NEBL: variants seen among roughly 807,000 people sequenced by gnomAD.
NEBL encodes the protein LIM and SH3 protein 2.
NEBL carries 122 observed loss-of-function variants against 140.2 expected under a neutral mutation model. The observed-to-expected ratio is 0.87, with a 90% CI of 0.75 to 1.01. NEBL has a LOEUF of 1.01. Ranked by LOEUF, NEBL falls within the 50% of genes least tolerant of loss-of-function variation. NEBL has a pLI of 0.00. For missense variants in NEBL, 1,365 were observed against 1,231.3 expected, an observed-to-expected ratio of 1.11 and a Z score of -1.62; for synonymous variants, 436 against 398.9, an observed-to-expected ratio of 1.09 and a Z score of -1.11.
At chr10:21,017,270 CTG>C (rs1838592394) in intron 3 of NEBL, among the ~76,000 whole-genome samples, 1 of 152,136 alleles carries the variant, frequency 6.6e-6, no homozygotes, top group African/African-American at 2.4e-5. Context: ...TACAGCAACA[CTG>C]TTGATGATGA....
At chr10:20,911,497 G>A (rs192329445) in intron 4 of NEBL, among the ~76,000 whole-genome samples, 37 of 152,316 alleles carry the variant, frequency 2.4e-4, no homozygotes, top group Admixed American at 2.1e-3. Context: ...GGCCAATAAA[G>A]TATAGGACAT....
chr10:20,994,712 C>T (rs1194318387), intron 3 of NEBL, among the ~76,000 whole-genome samples: 2 of 152,104 alleles, frequency 1.3e-5, no homozygotes, highest in African/African-American at 2.4e-5. Flanking sequence ...AGTTAGTATG[C>T]TCTATATTAT....
intron 3 of NEBL, among the ~76,000 whole-genome samples, chr10:20,976,859 A>T (rs1836821510): frequency 6.6e-6 from 1 of 151,816 alleles, no homozygotes; most frequent in South Asian, 2.1e-4. Context: ...TTAGAAGGCC[A>T]AACCTCAGCA....
intron 3 of NEBL, 64 bp from the exon 4 acceptor site, chr10:20,888,271 A>G: frequency 1.0e-6 from 1 of 984,126 alleles, no homozygotes; most frequent in Non-Finnish European, 1.6e-6. Flanking sequence ...AACTGTGATT[A>G]TAAGTAGAAA....
chr10:21,076,698 C>G (rs1310553474), intron 2 of NEBL, among the ~76,000 whole-genome samples: 1 of 152,120 alleles, frequency 6.6e-6, no homozygotes, highest in Non-Finnish European at 1.5e-5. Flanking sequence ...GAAAGAAATT[C>G]TGATGCATAC....
chr10:21,103,758 T>C (rs757740503), intron 2 of NEBL, among the ~76,000 whole-genome samples: 9 of 152,150 alleles, frequency 5.9e-5, no homozygotes, highest in African/African-American at 9.7e-5. Flanking sequence ...CATGCGATTA[T>C]TAGTATCTTT....
In NEBL at chr10:20,840,827, T is replaced by G; in HGVS notation, c.1250A>C (p.Glu417Ala). 6.3e-7 allele frequency: 1 copy of G among 1,595,248 alleles called. No homozygotes were observed. Among genetic ancestry groups the G allele is most frequent in the Non-Finnish European group, 8.6e-7 (1 of 1,164,402 alleles). ...CATTCCTTTCCCTTTTATCTCATTT[T>G]CCAAATCTTTTTTATATTCTTTCTA... The part of the protein sequence containing the change: ...LREKEYKKDL[E>A]NEIKGKGMEL... The change falls in exon 13 of 28, where the codon GAA (glutamate) becomes GCA (alanine). Residue 417 changes from glutamate (E) to alanine (A), a missense_variant. Physicochemically the swap from Glu to Ala is moderately radical, Grantham distance 107 (BLOSUM62 -1). Coordinates refer to ENST00000377122, the MANE Select transcript of NEBL (RefSeq NM_006393.3).
At chr10:20,860,585 A>AAAAAC (rs1843603693) in intron 7 of NEBL, among the ~76,000 whole-genome samples, 1 of 150,492 alleles carries the variant, frequency 6.6e-6, no homozygotes, top group Non-Finnish European at 1.5e-5. Context: ...AAAAAAAAAA[A>AAAAAC]AACCTAGCTA....
intron 3 of NEBL, among the ~76,000 whole-genome samples, chr10:20,980,807 T>C (rs1257841974): frequency 6.6e-6 from 1 of 152,258 alleles, no homozygotes; most frequent in African/African-American, 2.4e-5. Flanking sequence ...TAAGTATCAA[T>C]GCTTTTTGAA....
intron 7 of NEBL, among the ~76,000 whole-genome samples, chr10:20,866,727 A>G (rs940145017): frequency 6.6e-6 from 1 of 152,154 alleles, no homozygotes; most frequent in African/African-American, 2.4e-5. Flanking sequence ...TCTCCACACT[A>G]ACAAGACACA....
chr10:21,089,556 A>C (rs1017455127), intron 2 of NEBL, among the ~76,000 whole-genome samples: 16 of 152,142 alleles, frequency 1.1e-4, no homozygotes, highest in South Asian at 6.2e-4. Context: ...ACCGAGAAGG[A>C]GGAGACTGAC....
chr10:20,895,068 T>C (rs1169428381), intron 2 of NEBL, among the ~76,000 whole-genome samples: 1 of 151,914 alleles, frequency 6.6e-6, no homozygotes, highest in Non-Finnish European at 1.5e-5. Flanking sequence ...GTGTGAAATG[T>C]ATGGATTTAG....
intron 3 of NEBL, among the ~76,000 whole-genome samples, chr10:20,995,965 T>G (rs1837650151): frequency 6.6e-6 from 1 of 152,204 alleles, no homozygotes; most frequent in Non-Finnish European, 1.5e-5. Context: ...ACTTCCAATT[T>G]TAATCTTATA....
chr10:20,898,419 T>C (rs1235301812), upstream of NEBL, among the ~76,000 whole-genome samples: 1 of 147,330 alleles, frequency 6.8e-6, no homozygotes, highest in Non-Finnish European at 1.5e-5. Flanking sequence ...TCTCTTGATA[T>C]CATATCTAGT....
chr10:21,119,947 C>A (rs530652313), intron 2 of NEBL, among the ~76,000 whole-genome samples: 2 of 151,950 alleles, frequency 1.3e-5, no homozygotes, highest in African/African-American at 4.8e-5. Flanking sequence ...ACCTCATTTG[C>A]GGATTTATCT....
chr10:21,025,440 C>A (rs1246820289), intron 2 of NEBL, among the ~76,000 whole-genome samples: 2 of 152,106 alleles, frequency 1.3e-5, no homozygotes, highest in Non-Finnish European at 2.9e-5. Context: ...TAGAAGACTG[C>A]ATCTGAAATA....
chr10:20,869,779 G>A lies in NEBL; in HGVS notation c.543C>T (p.Asp181=), dbSNP rs764476781. Residue 181 remains aspartate, a synonymous_variant, in exon 6 of 28, where the codon GAC becomes GAT. Transcript: ENST00000377122. ...TAGAGATCTGGGTTGCCATCTTGATGTCTGGTCGGTCAAGTTCTGCACTGT... is the reference window on the plus strand; with the variant it reads ...TAGAGATCTGGGTTGCCATCTTGATATCTGGTCGGTCAAGTTCTGCACTGT... ...HTYSAELDRP[D]IKMATQISKI... 3 of 1,613,502 alleles carry A rather than the reference G, an allele frequency of 1.9e-6. No homozygotes were observed. The highest frequency in any genetic ancestry group is 1.3e-5 in the African/African-American group (1 of 75,018).
intron 2 of NEBL, among the ~76,000 whole-genome samples, chr10:21,085,204 C>G (rs118188230): frequency 2.6e-5 from 4 of 152,188 alleles, no homozygotes; most frequent in Non-Finnish European, 5.9e-5. Context: ...AATCTTGAAA[C>G]ATTTATATTT....
At chr10:20,851,263 T>A (rs554502989) in intron 10 of NEBL, among the ~76,000 whole-genome samples, 26 of 152,282 alleles carry the variant, frequency 1.7e-4, no homozygotes, top group African/African-American at 6.3e-4. Context: ...ATAAAATTTA[T>A]GTTTAATAAT....
Sources: allele counts gnomAD v4.1 joint callset (sites outside exome capture counted in the v4.1 genomes callset), GRCh38; gene constraint gnomAD v4.1.1; transcripts MANE v1.5; gene names NCBI Gene and HGNC (gene_info 2026-07-23, HGNC 2026-07-21).